PPP2R1A: variants seen among roughly 807,000 people sequenced by gnomAD.
PPP2R1A encodes the protein serine/threonine-protein phosphatase 2A 65 kDa regulatory subunit A alpha isoform.
A neutral mutation model predicts 67.1 loss-of-function variants in PPP2R1A; 15 were observed. The observed-to-expected ratio is 0.22, with a 90% CI of 0.15 to 0.34. The LOEUF (loss-of-function observed/expected upper bound fraction) is 0.34. Ranked by LOEUF, PPP2R1A falls within the 10% of genes least tolerant of loss-of-function variation. PPP2R1A has a pLI of 1.00. For synonymous variants in PPP2R1A, 337 were observed against 325.0 expected (o/e 1.04, Z -0.40); for missense variants, 369 against 775.0 (o/e 0.48, Z 6.22).
At chr19:52,196,237 C>T (rs1218936138) in intron 1 of PPP2R1A, among the ~76,000 whole-genome samples, 1 of 152,156 alleles carries the variant, frequency 6.6e-6, no homozygotes, top group Admixed American at 6.5e-5. Flanking sequence ...GTCAAGGTTT[C>T]TGAAATGATA....
chr19:52,209,784 C>T (rs2089646952), intron 3 of PPP2R1A, among the ~76,000 whole-genome samples: 1 of 152,216 alleles, frequency 6.6e-6, no homozygotes, highest in Non-Finnish European at 1.5e-5. Flanking sequence ...AGCTAATTTC[C>T]CTTGGCATAA....
Position 52,216,216 on chromosome 19 carries a change from T to C in PPP2R1A, c.993+142T>C. 2 of 935,296 alleles carry C rather than the reference T, an allele frequency of 2.1e-6. No individual in the cohort carries two copies. The highest frequency in any genetic ancestry group is 3.2e-6 in the Non-Finnish European group (2 of 620,234). 57.9% of individuals were successfully genotyped at this position (935,296 alleles called of 1,614,324 possible). A position where few individuals can be genotyped will look rare whatever the true frequency, so the allele number is the denominator to read the frequency against. On this transcript the variant is annotated intron_variant, in intron 8 of 14. Coordinates refer to ENST00000322088, the MANE Select transcript of PPP2R1A (RefSeq NM_014225.6). This position sits in a 1 kb window ranked among gnomAD's most constrained non-coding sequence, Gnocchi z 4.3. The stretch of plus-strand genomic sequence containing the variant: ...AGGCAGCTCTTGGGTTTCAAGCAGT[T>C]AGGGGTCCTGACTGCAGCTTGAGGC...
rs1266321515 is a variant in PPP2R1A, at chr19:52,212,459, C to T, written c.504-227C>T. 1.1e-5 allele frequency: 6 copies of T among 563,020 alleles called. No individual in the cohort carries two copies. The highest frequency in any genetic ancestry group is 1.9e-5 in the Non-Finnish European group (6 of 320,156). 34.9% of individuals were successfully genotyped at this position (563,020 alleles called of 1,614,324 possible). On this transcript the variant is annotated intron_variant, in intron 4 of 14. Transcript: ENST00000322088. This position sits in a 1 kb window ranked among gnomAD's most constrained non-coding sequence, Gnocchi z 4.1. ...ATTGACTAGATTTATTATGCGCAAT[C>T]TGCGAAGTGTCTCACACACACTATT...
At chr19:52,220,543 C>G (rs979259634) in intron 11 of PPP2R1A, among the ~76,000 whole-genome samples, 1 of 152,148 alleles carries the variant, frequency 6.6e-6, no homozygotes, top group African/African-American at 2.4e-5. Flanking sequence ...AACAAGTCAC[C>G]TGCTGTCTTT....
At chr19:52,225,011 CTTTTTTTTTT>C (rs61015844) in intron 13 of PPP2R1A, among the ~76,000 whole-genome samples, 2 of 101,074 alleles carry the variant, frequency 2.0e-5, no homozygotes, top group African/African-American at 8.5e-5. Context: ...TTGAGTTTAC[CTTTTTTTTTT>C]TTTTTTTTTT....
intron 1 of PPP2R1A, among the ~76,000 whole-genome samples, chr19:52,193,486 CAGAT>C (rs1309445466): frequency 6.6e-6 from 1 of 152,198 alleles, no homozygotes; most frequent in Non-Finnish European, 1.5e-5. Flanking sequence ...GTTTGGGAGA[CAGAT>C]AGTAGATCTG....
chr19:52,221,189 A>G (rs1449812989), intron 12 of PPP2R1A, 56 bp downstream of exon 12: 8 of 1,605,118 alleles, frequency 5.0e-6, no homozygotes, highest in Non-Finnish European at 6.8e-6. Context: ...CGCGTGGGAG[A>G]GGAGGGATGC....
At chr19:52,208,859 CTCT>C (rs998068139) in intron 3 of PPP2R1A, among the ~76,000 whole-genome samples, 45 of 152,274 alleles carry the variant, frequency 3.0e-4, no homozygotes, top group African/African-American at 1.1e-3. Context: ...ATTCTGGACC[CTCT>C]TCTTATAAAA....
At position 52,222,434 on chromosome 19, in the gene PPP2R1A, A is replaced by G. The variant is rs1356331664; in HGVS notation, c.1661+193A>G. The G allele has an allele frequency of 3.8e-6, 3 of 798,978 alleles. No homozygotes were observed. The East Asian group carries it at 9.5e-5, about 25-fold the overall frequency. 49.5% of individuals were successfully genotyped at this position (798,978 alleles called of 1,614,324 possible). A position where few individuals can be genotyped will look rare whatever the true frequency, so the allele number is the denominator to read the frequency against. On this transcript the variant is annotated intron_variant, in intron 13 of 14. Coordinates refer to ENST00000322088, the MANE Select transcript of PPP2R1A (RefSeq NM_014225.6). ...GAACATCACAGCATGAAATAGAAAG[A>G]GGGGGTGATGGGTTGGCAGTCCTGT... is the stretch of plus-strand genomic sequence containing the variant.
Position 52,220,965 on chromosome 19 carries a change from TCA to T in PPP2R1A, c.1364-12_1364-11del, listed in dbSNP as rs763237208. On this transcript the variant is annotated splice_polypyrimidine_tract_variant and intron_variant, in intron 11 of 14. Coordinates refer to ENST00000322088, the MANE Select transcript of PPP2R1A (RefSeq NM_014225.6). ...CTCCAAATCCCTGTCTCTCTCACCC[TCA>T]CCCTTCTGCAGTATATGCCATCCGC... 1.2e-6 allele frequency: 2 copies of T among 1,613,852 alleles called. No homozygotes were observed. Among genetic ancestry groups the T allele is most frequent in the East Asian group, 2.2e-5 (1 of 44,888 alleles).
At position 52,227,828 on chromosome 19, in the gene PPP2R1A, T is replaced by A. The variant is rs1238978964; in HGVS notation, c.*1847T>A. 2 of 152,188 alleles carry A rather than the reference T, an allele frequency of 1.3e-5. No homozygotes were observed. Among genetic ancestry groups the A allele is most frequent in the Non-Finnish European group, 2.9e-5 (2 of 68,038 alleles). 9.4% of individuals were successfully genotyped at this position (152,188 alleles called of 1,614,324 possible). On this transcript the variant is annotated 3_prime_UTR_variant, in exon 15 of 15. Coordinates refer to ENST00000322088, the MANE Select transcript of PPP2R1A (RefSeq NM_014225.6). ...ACACGTGTAACCAAACGTCAAAGTC[T>A]GACATTAAACTTTGACTTTCCCCAT...
intron 1 of PPP2R1A, among the ~76,000 whole-genome samples, chr19:52,197,476 G>A (rs2089506930): frequency 6.6e-6 from 1 of 151,972 alleles, no homozygotes; most frequent in Non-Finnish European, 1.5e-5. Flanking sequence ...GGAGTTTGAG[G>A]GCAGCTTGGG....
Position 52,215,443 on chromosome 19 carries a change from G to A in PPP2R1A, c.808-336G>A, listed in dbSNP as rs188313614. Among the ~76,000 whole-genome samples, 132 of 152,290 alleles carry A rather than the reference G, an allele frequency of 8.7e-4. 1 individual carries two copies. Among genetic ancestry groups the A allele is most frequent in the African/African-American group, 3.1e-3 (128 of 41,550 alleles). On this transcript the variant is annotated intron_variant, in intron 6 of 14. Transcript: ENST00000322088. ...ACAGCCATATATAAATCAAAAAGTT[G>A]CAGTCACTATATCATTTGAATGTTT...
intron 3 of PPP2R1A, among the ~76,000 whole-genome samples, chr19:52,209,410 G>A (rs142921520): frequency 6.6e-6 from 1 of 152,336 alleles, no homozygotes; most frequent in African/African-American, 2.4e-5. Flanking sequence ...ACCTGTGACA[G>A]TGACATTATG....
intron 13 of PPP2R1A, among the ~76,000 whole-genome samples, chr19:52,223,381 TG>T (rs1304500554): frequency 1.3e-5 from 2 of 152,176 alleles, no homozygotes; most frequent in Non-Finnish European, 1.5e-5. Context: ...GAGGAAGTGA[TG>T]GGTAAGTTGA....
rs1458929657 is a variant in PPP2R1A at position 52,213,586 on chromosome 19, A to G, written c.807+476A>G. Among the ~76,000 whole-genome samples, 1 of 146,708 alleles carries G rather than the reference A, an allele frequency of 6.8e-6. No homozygotes were observed. The highest frequency in any genetic ancestry group is 2.5e-5 in the African/African-American group (1 of 39,552). On this transcript the variant is annotated intron_variant, in intron 6 of 14. Transcript: ENST00000322088. This position sits in a 1 kb window ranked among gnomAD's most constrained non-coding sequence, Gnocchi z 4.2. ...CAGCCTGTCCCTCCCGGGTGCAGGC[A>G]TTTCTCCTGCCTCAGCCTCCTGAGG...
chr19:52,225,578 G>T, intron 13 of PPP2R1A, 139 bp from the exon 14 acceptor site: 1 of 681,410 alleles, frequency 1.5e-6, no homozygotes, highest in Non-Finnish European at 2.6e-6. Flanking sequence ...GTGTGCCCTG[G>T]ATTCTTGAGA....
In PPP2R1A at chr19:52,213,464, T is replaced by G. The variant is rs1448884840; in HGVS notation, c.807+354T>G. On this transcript the variant is annotated intron_variant, in intron 6 of 14. Coordinates refer to ENST00000322088, the MANE Select transcript of PPP2R1A (RefSeq NM_014225.6). The surrounding 1 kb of genome is among the most constrained non-coding windows in gnomAD (Gnocchi z 4.2). ...AAGGTGGGGTTTTTTGGTGTTTTTT[T>G]TTTTTTTTTTTTTTTTTTTTTTTAA... Among the ~76,000 whole-genome samples, 10 of 107,692 alleles carry G rather than the reference T, an allele frequency of 9.3e-5. No homozygotes were observed. Among genetic ancestry groups the G allele is most frequent in the African/African-American group, 3.5e-4 (8 of 22,554 alleles). 70.7% of individuals were successfully genotyped at this position (107,692 alleles called of 152,430 possible).
At chr19:52,193,384 C>T (rs1157430542) in intron 1 of PPP2R1A, among the ~76,000 whole-genome samples, 1 of 152,190 alleles carries the variant, frequency 6.6e-6, no homozygotes, top group Non-Finnish European at 1.5e-5. Context: ...AAATATTTAT[C>T]AGCACCTCCT....
Sources: gnomAD v4.1 joint callset for allele counts (sites outside exome capture counted in the v4.1 genomes callset) on GRCh38, gnomAD v4.1.1 for gene constraint, Gnocchi (gnomAD v3.1) non-coding constraint, MANE v1.5 for transcripts, NCBI Gene and HGNC (gene_info 2026-07-23, HGNC 2026-07-21) for gene names.